DNAAF4: variants seen among roughly 807,000 people sequenced by gnomAD.
The protein encoded by DNAAF4 is dynein axonemal assembly factor 4.
A neutral mutation model predicts 51.8 loss-of-function variants in DNAAF4; 43 were observed. The observed-to-expected ratio is 0.83, with a 90% CI of 0.65 to 1.07. The LOEUF (loss-of-function observed/expected upper bound fraction) is 1.07, where lower values mean the gene tolerates loss of function less well. Among genes scored for constraint, DNAAF4 ranks in the 50% least tolerant of loss-of-function variants. The probability of loss-of-function intolerance (pLI) is 0.00; values close to 1 mark genes in which losing one functional copy is unlikely to be tolerated. For synonymous variants in DNAAF4, 194 were observed against 165.6 expected (o/e 1.17, Z -1.32); for missense variants, 581 against 493.0 (o/e 1.18, Z -1.69).
At chr15:55,473,263 GTATATA>G (rs1276786853) in intron 4 of DNAAF4, among the ~76,000 whole-genome samples, 6 of 107,180 alleles carry the variant, frequency 5.6e-5, no homozygotes, top group Admixed American at 1.1e-4. Flanking sequence ...ATATATATGT[GTATATA>G]TGTGTATATA....
chr15:55,489,935 G>T (rs568565071), intron 4 of DNAAF4, among the ~76,000 whole-genome samples: 1 of 149,708 alleles, frequency 6.7e-6, no homozygotes, highest in African/African-American at 2.5e-5. Flanking sequence ...GTGCAGTGGC[G>T]CAATCTCCGC....
chr15:55,423,709 T>G (rs1417293047), intron 7 of DNAAF4, among the ~76,000 whole-genome samples: 1 of 152,078 alleles, frequency 6.6e-6, no homozygotes, highest in Non-Finnish European at 1.5e-5. Flanking sequence ...TCTCAGCACT[T>G]TGGGAGGCTA....
At chr15:55,481,774 G>C (rs1232704850) in intron 4 of DNAAF4, among the ~76,000 whole-genome samples, 2 of 152,206 alleles carry the variant, frequency 1.3e-5, no homozygotes, top group Admixed American at 1.3e-4. Context: ...CCAACTAGCA[G>C]CTGGCTTATT....
intron 6 of DNAAF4, 29 bp from the exon 7 acceptor site, chr15:55,439,610 A>G (rs747992173): frequency 5.1e-6 from 8 of 1,572,474 alleles, no homozygotes; most frequent in African/African-American, 1.4e-5. Context: ...CTTATGAAGA[A>G]TAAAAAGGTC....
chr15:55,499,257 A>C (rs1012391833), intron 1 of DNAAF4, among the ~76,000 whole-genome samples: 1 of 152,030 alleles, frequency 6.6e-6, no homozygotes, highest in African/African-American at 2.4e-5. Context: ...TCACACATGG[A>C]CTCTGCGTTC....
At chr15:55,502,518 A>T (rs1254797698) in intron 1 of DNAAF4, among the ~76,000 whole-genome samples, 2 of 152,186 alleles carry the variant, frequency 1.3e-5, no homozygotes, top group African/African-American at 4.8e-5. Flanking sequence ...CATGTTATGT[A>T]AACTTATATT....
rs2058268329 is a variant in DNAAF4, at chr15:55,472,424, C to A, written c.406-5263G>T. On this transcript the variant is annotated intron_variant, in intron 4 of 9. Coordinates refer to ENST00000321149, the MANE Select transcript of DNAAF4 (RefSeq NM_130810.4). Reference sequence around the variant, plus strand: ...CTTGAGGTCAGGAGTTCAAGAACAACCTGGCCAACATGGTGAAACCCCATC... The same window carrying A: ...CTTGAGGTCAGGAGTTCAAGAACAAACTGGCCAACATGGTGAAACCCCATC... Among the ~76,000 whole-genome samples, 3 of 152,072 alleles carry A rather than the reference C, an allele frequency of 2.0e-5. No homozygotes were observed. The South Asian group carries it at 6.2e-4, about 31-fold the overall frequency.
rs117690306 is a variant in DNAAF4 at position 55,471,001 on chromosome 15, G to A, written c.406-3840C>T. On this transcript the variant is annotated intron_variant, in intron 4 of 9. Transcript: ENST00000321149. ...CTCAAGTAGTTGGGACCACAGGCCC[G>A]CAGCACCACGAATGGCTAATTTTGT... Among the ~76,000 whole-genome samples the A allele has an allele frequency of 5.3e-4, 80 of 151,300 alleles. 2 individuals are homozygous for A. In the South Asian group the frequency reaches 0.012, roughly 23 times the overall value.
Position 55,494,669 on chromosome 15 carries a change from C to T in DNAAF4, c.271+3043G>A, listed in dbSNP as rs150331112. ...TCAGGTGATTCACCTGCCTCGGCCT[C>T]CCAAAGTGATGGGATTACAAGCATG... On this transcript the variant is annotated intron_variant, in intron 3 of 9. Transcript: ENST00000321149. 2.0e-5 allele frequency among the ~76,000 whole-genome samples: 3 copies of T among 152,122 alleles called. No homozygotes were observed. The East Asian group carries it at 5.8e-4, about 29-fold the overall frequency.
intron 5 of DNAAF4, among the ~76,000 whole-genome samples, chr15:55,462,477 A>T (rs1461578635): frequency 1.3e-5 from 2 of 152,138 alleles, no homozygotes; most frequent in African/African-American, 2.4e-5. Flanking sequence ...GGTATGAGCC[A>T]TGTGCCCAGC....
intron 1 of DNAAF4, among the ~76,000 whole-genome samples, chr15:55,507,172 G>A (rs796756504): frequency 2.2e-4 from 33 of 152,002 alleles, no homozygotes; most frequent in African/African-American, 7.2e-4. Flanking sequence ...TTTGAACAAC[G>A]GAAACTGAAT....
chr15:55,479,833 G>C (rs981043081), intron 4 of DNAAF4, among the ~76,000 whole-genome samples: 25 of 152,140 alleles, frequency 1.6e-4, no homozygotes, highest in African/African-American at 6.0e-4. Context: ...AGGCTTACTA[G>C]GGTGGGGGAA....
At chr15:55,468,581 A>G (rs2058203131) in intron 4 of DNAAF4, among the ~76,000 whole-genome samples, 1 of 152,200 alleles carries the variant, frequency 6.6e-6, no homozygotes, top group African/African-American at 2.4e-5. Context: ...GCCACAACCT[A>G]AAAGACGACT....
At chr15:55,431,418 G>A (rs1204405021) in intron 9 of DNAAF4, among the ~76,000 whole-genome samples, 1 of 150,312 alleles carries the variant, frequency 6.7e-6, no homozygotes, top group African/African-American at 2.4e-5. Context: ...AGGGATGACC[G>A]AAGAAGCTCT....
chr15:55,437,978 A>G (rs1335621099), intron 7 of DNAAF4, among the ~76,000 whole-genome samples: 4 of 152,246 alleles, frequency 2.6e-5, no homozygotes, highest in Non-Finnish European at 5.9e-5. Flanking sequence ...AGAAGTGTAT[A>G]TGATGAAATA....
At chr15:55,433,914 T>TAGA in intron 8 of DNAAF4, among the ~76,000 whole-genome samples, 1 of 19,018 alleles carries the variant, frequency 5.3e-5, no homozygotes, top group South Asian at 1.7e-3. Flanking sequence ...TTATATATAA[T>TAGA]TATATATATT....
chr15:55,480,803 C>T (rs2058398990), intron 4 of DNAAF4, among the ~76,000 whole-genome samples: 1 of 152,176 alleles, frequency 6.6e-6, no homozygotes, highest in African/African-American at 2.4e-5. Flanking sequence ...CAGGTAGACT[C>T]TTTGGCAGTC....
intron 5 of DNAAF4, among the ~76,000 whole-genome samples, chr15:55,459,391 T>G (rs1276647264): frequency 6.6e-6 from 1 of 151,838 alleles, no homozygotes; most frequent in African/African-American, 2.4e-5. Context: ...TATACCAAAA[T>G]AGAACCTCCT....
chr15:55,497,232 T>C lies in DNAAF4; in HGVS notation c.271+480A>G, dbSNP rs979895393. ...TAAAAATTCATAAATTTCTATACATTTTCTTCTGTCAATCCTTCTGTTGTT... is the reference window on the plus strand; with the variant it reads ...TAAAAATTCATAAATTTCTATACATCTTCTTCTGTCAATCCTTCTGTTGTT... On this transcript the variant is annotated intron_variant, in intron 3 of 9. Transcript: ENST00000321149. 7.9e-5 allele frequency among the ~76,000 whole-genome samples: 12 copies of C among 152,094 alleles called. No individual in the cohort carries two copies. In the South Asian group the frequency reaches 2.3e-3, roughly 29 times the overall value.
Sources: gnomAD v4.1 joint callset for allele counts (sites outside exome capture counted in the v4.1 genomes callset) on GRCh38, gnomAD v4.1.1 for gene constraint, MANE v1.5 for transcripts, NCBI Gene and HGNC (gene_info 2026-07-23, HGNC 2026-07-21) for gene names.